SYT2: variants seen among roughly 807,000 people sequenced by gnomAD.
SYT2 encodes the protein synaptotagmin-2.
SYT2 carries 15 observed loss-of-function variants against 39.9 expected under a neutral mutation model. That is an observed-to-expected ratio of 0.38 (90% CI 0.25 to 0.58). SYT2 has a LOEUF of 0.58. Ranked by LOEUF, SYT2 falls within the 20% of genes least tolerant of loss-of-function variation. The probability of loss-of-function intolerance (pLI) is 0.70; values close to 1 mark genes in which losing one functional copy is unlikely to be tolerated. For missense variants in SYT2, 389 were observed against 530.3 expected (o/e 0.73, Z 2.62); for synonymous variants, 181 against 204.5 (o/e 0.89, Z 0.98).
In SYT2 at chr1:202,602,979, C is replaced by A. The variant is rs773522093; in HGVS notation, c.465+20G>T. ...GCCTCTCCCCATTCCCCCACTCTGC[C>A]CCCCCACAGCCCTGCATACCTGATT... is the stretch of plus-strand genomic sequence containing the variant. On this transcript the variant is annotated intron_variant, in intron 4 of 8. Transcript: ENST00000367268. 8.8e-6 allele frequency: 2 copies of A among 228,070 alleles called. No individual in the cohort carries two copies. The highest frequency in any genetic ancestry group is 1.8e-4 in the South Asian group (2 of 10,936). 14.1% of individuals were successfully genotyped at this position (228,070 alleles called of 1,614,324 possible). A position where few individuals can be genotyped will look rare whatever the true frequency, so the allele number is the denominator to read the frequency against.
At chr1:202,645,653 A>G (rs368876718) in intron 1 of SYT2, among the ~76,000 whole-genome samples, 24 of 152,234 alleles carry the variant, frequency 1.6e-4, no homozygotes, top group African/African-American at 4.8e-4. Context: ...CAGAAAATAA[A>G]GCACTTCTGT....
At chr1:202,624,567 AGTGT>A (rs764506445) in intron 1 of SYT2, among the ~76,000 whole-genome samples, 3 of 83,328 alleles carry the variant, frequency 3.6e-5, no homozygotes, top group Admixed American at 1.1e-4. Flanking sequence ...GGTGTTTAGT[AGTGT>A]GTGTGGTGTG....
chr1:202,625,870 T>G (rs1207182102), intron 1 of SYT2, among the ~76,000 whole-genome samples: 1 of 152,162 alleles, frequency 6.6e-6, no homozygotes, highest in Non-Finnish European at 1.5e-5. Context: ...TCTCCATCTC[T>G]CAGGCCCAGC....
intron 1 of SYT2, among the ~76,000 whole-genome samples, chr1:202,702,662 C>T (rs573430587): frequency 7.0e-4 from 106 of 152,306 alleles, no homozygotes; most frequent in Middle Eastern, 3.4e-3. Context: ...TGGGTGGTCC[C>T]CTCTCCTCCT....
chr1:202,696,753 A>G (rs1371123373), intron 1 of SYT2, among the ~76,000 whole-genome samples: 1 of 152,234 alleles, frequency 6.6e-6, no homozygotes, highest in Non-Finnish European at 1.5e-5. Flanking sequence ...TGGCCCCAAC[A>G]CTGAGGAGTG....
chr1:202,625,836 G>A (rs1031156125), intron 1 of SYT2, among the ~76,000 whole-genome samples: 7 of 152,130 alleles, frequency 4.6e-5, no homozygotes, highest in South Asian at 2.1e-4. Context: ...TCTGCTAGCC[G>A]GCAGCACCGG....
In SYT2 at chr1:202,617,217, A is replaced by G. The variant is rs542505683; in HGVS notation, c.-17-11428T>C. On this transcript the variant is annotated intron_variant, in intron 1 of 8. Coordinates refer to ENST00000367268, the MANE Select transcript of SYT2 (RefSeq NM_177402.5). ...CCTTCAAGGAGCCAAAGCCTATGAT[A>G]CAGTTTGGATCTGTGTCCCTGCCCA... 2.0e-4 allele frequency among the ~76,000 whole-genome samples: 30 copies of G among 152,260 alleles called. No homozygotes were observed. In the South Asian group the frequency reaches 3.9e-3, roughly 20 times the overall value.
intron 1 of SYT2, among the ~76,000 whole-genome samples, chr1:202,690,219 A>G (rs139266721): frequency 1.1e-4 from 16 of 152,276 alleles, no homozygotes; most frequent in Non-Finnish European, 1.9e-4. Context: ...CATCAGATGG[A>G]TACTGCCCCA....
In SYT2 at chr1:202,707,786, A is replaced by G. The variant is rs115292656; in HGVS notation, c.-18+2472T>C. 4.4e-3 allele frequency among the ~76,000 whole-genome samples: 665 copies of G among 152,358 alleles called. 5 individuals are homozygous for G. The highest frequency in any genetic ancestry group is 0.015 in the African/African-American group (628 of 41,584). On this transcript the variant is annotated intron_variant, in intron 1 of 8. Transcript: ENST00000367268. ...TGATAATGTTCAGATGGAGGCAGAAAGAATGACTAGAGGTCAGGCTTGCCT... is the reference window on the plus strand; with the variant it reads ...TGATAATGTTCAGATGGAGGCAGAAGGAATGACTAGAGGTCAGGCTTGCCT...
At chr1:202,698,119 C>G (rs1052966667) in intron 1 of SYT2, among the ~76,000 whole-genome samples, 7 of 151,974 alleles carry the variant, frequency 4.6e-5, no homozygotes, top group Non-Finnish European at 8.8e-5. Flanking sequence ...ACCACCCCCC[C>G]AAGGAAAGTT....
chr1:202,640,790 G>GAGAGAGAGACAGAC (rs1691893942), intron 1 of SYT2, among the ~76,000 whole-genome samples: 1 of 120,014 alleles, frequency 8.3e-6, no homozygotes, highest in African/African-American at 3.2e-5. Context: ...GAGAGAGAGA[G>GAGAGAGAGACAGAC]AGACAGACAG....
chr1:202,696,729 C>T (rs537332240), intron 1 of SYT2, among the ~76,000 whole-genome samples: 1 of 152,284 alleles, frequency 6.6e-6, no homozygotes, highest in South Asian at 2.1e-4. Context: ...GCCAGGGGTC[C>T]CAGCTTCTAG....
chr1:202,687,681 A>AG (rs1653706858), intron 1 of SYT2, among the ~76,000 whole-genome samples: 1 of 151,668 alleles, frequency 6.6e-6, no homozygotes, highest in Non-Finnish European at 1.5e-5. Context: ...AAAAAAAAAA[A>AG]AAAGAAAAGA....
At chr1:202,659,030 CTCTG>C (rs928276451) in intron 1 of SYT2, among the ~76,000 whole-genome samples, 13 of 152,142 alleles carry the variant, frequency 8.5e-5, no homozygotes, top group Admixed American at 5.2e-4. Context: ...TCAAGAAAAT[CTCTG>C]TCTCTCTTTC....
chr1:202,679,910 C>A (rs1275712053), intron 1 of SYT2, among the ~76,000 whole-genome samples: 1 of 152,192 alleles, frequency 6.6e-6, no homozygotes, highest in African/African-American at 2.4e-5. Flanking sequence ...TACTGTCATC[C>A]ATGTTGCTTT....
intron 1 of SYT2, among the ~76,000 whole-genome samples, chr1:202,662,420 C>T (rs1204446223): frequency 6.6e-6 from 1 of 152,258 alleles, no homozygotes; most frequent in Non-Finnish European, 1.5e-5. Context: ...CTCAGGGCAG[C>T]ATCTGGAAGA....
chr1:202,645,296 G>A (rs577849457), intron 1 of SYT2, among the ~76,000 whole-genome samples: 34 of 152,294 alleles, frequency 2.2e-4, no homozygotes, highest in South Asian at 6.2e-4. Flanking sequence ...ATGGGTGTGC[G>A]GGCTGAAGAG....
intron 1 of SYT2, among the ~76,000 whole-genome samples, chr1:202,704,830 T>C (rs956073852): frequency 6.6e-6 from 1 of 152,172 alleles, no homozygotes; most frequent in African/African-American, 2.4e-5. Context: ...CATCATGCAC[T>C]CAAGACTGCC....
intron 1 of SYT2, among the ~76,000 whole-genome samples, chr1:202,679,263 A>T: frequency 6.6e-6 from 1 of 152,138 alleles, no homozygotes. Context: ...TTGATGGTGA[A>T]GACTCCCTCT....
Sources: allele counts gnomAD v4.1 joint callset (sites outside exome capture counted in the v4.1 genomes callset), GRCh38; gene constraint gnomAD v4.1.1; transcripts MANE v1.5; gene names NCBI Gene and HGNC (gene_info 2026-07-23, HGNC 2026-07-21).